Variants in STK33 observed in about 807,000 individuals in gnomAD.
STK33 encodes serine/threonine kinase 33.
In STK33, 52 loss-of-function variants were observed where a neutral mutation model predicts 58.0. The observed-to-expected ratio is 0.90, with a 90% CI of 0.72 to 1.13. The LOEUF (loss-of-function observed/expected upper bound fraction) is 1.13. STK33 is among the 50% of genes most tolerant of loss of function. STK33 has a pLI of 0.00. For missense variants in STK33, 630 were observed against 604.2 expected, an observed-to-expected ratio of 1.04 and a Z score of -0.45; for synonymous variants, 215 against 200.1, an observed-to-expected ratio of 1.07 and a Z score of -0.63.
chr11:8,401,972 G>A lies in STK33; in HGVS notation c.1345-9262C>T, dbSNP rs536533329. The stretch of plus-strand genomic sequence containing the variant: ...ATTAAAAAGTCAGGAAACAACAGGT[G>A]CTGGAGAAGATGTGGAGAAATAGGA... On this transcript the variant is annotated intron_variant, in intron 15 of 15. Transcript: ENST00000687296. 1.3e-4 allele frequency among the ~76,000 whole-genome samples: 20 copies of A among 152,288 alleles called. No homozygotes were observed. In the East Asian group the frequency reaches 3.9e-3, roughly 29 times the overall value.
chr11:8,364,115 A>G, the STK33 span, among the ~76,000 whole-genome samples: 3 of 152,144 alleles, frequency 2.0e-5, no homozygotes, highest in Non-Finnish European at 4.4e-5. Context: ...TCTCTGGGGC[A>G]TGTTCATCCA....
rs1949118084 is a variant in STK33, at chr11:8,474,842, T to A, written c.64A>T (p.Lys22Ter). ...CTGGAACATACACAAAGTACATCTT[T>A]CTGAGAAGCAGATGAACAGTCGGGG... is the stretch of plus-strand genomic sequence containing the variant. ...KCPDCSSASQ[K>*]DVLCVCSSKT... Residue 22 changes from lysine (K) to a stop codon, truncating the protein, a stop_gained, in exon 5 of 16, where the codon AAA (lysine) becomes TAA (stop). Transcript: ENST00000687296. LOFTEE classifies it high-confidence loss of function. 3.7e-6 allele frequency: 6 copies of A among 1,610,580 alleles called. No individual in the cohort carries two copies. The highest frequency in any genetic ancestry group is 3.4e-6 in the Non-Finnish European group (4 of 1,178,852).
chr11:8,564,930 A>G (rs1056093013), intron 1 of STK33, among the ~76,000 whole-genome samples: 2 of 152,196 alleles, frequency 1.3e-5, no homozygotes, highest in African/African-American at 4.8e-5. Context: ...TTAAAGGACT[A>G]AAAGGTCTCA....
At chr11:8,453,474 C>A (rs1946519038) in intron 10 of STK33, among the ~76,000 whole-genome samples, 2 of 152,080 alleles carry the variant, frequency 1.3e-5, no homozygotes, top group Non-Finnish European at 2.9e-5. Flanking sequence ...ACAATTACTA[C>A]ACTATTAAAA....
intron 1 of STK33, among the ~76,000 whole-genome samples, chr11:8,495,958 G>T (rs969060920): frequency 6.6e-6 from 1 of 151,730 alleles, no homozygotes; most frequent in Admixed American, 6.6e-5. Context: ...TGGGGTGGGG[G>T]GCTGGGAGAG....
At chr11:8,584,296 T>C (rs2031063721) in intron 1 of STK33, among the ~76,000 whole-genome samples, 1 of 152,104 alleles carries the variant, frequency 6.6e-6, no homozygotes, top group African/African-American at 2.4e-5. Flanking sequence ...ATTCATAATG[T>C]AGGGAGGATT....
At chr11:8,390,910 G>C (rs1424337884), downstream of STK33, among the ~76,000 whole-genome samples, 1 of 152,240 alleles carries the variant, frequency 6.6e-6, no homozygotes, top group Non-Finnish European at 1.5e-5. Flanking sequence ...GAAAGTAAGA[G>C]TATTTTTAAT....
chr11:8,554,375 C>T (rs894369103), intron 1 of STK33, among the ~76,000 whole-genome samples: 2 of 147,110 alleles, frequency 1.4e-5, no homozygotes, highest in Non-Finnish European at 3.0e-5. Flanking sequence ...TCCCAGATCA[C>T]GCCACTGCAC....
intron 7 of STK33, among the ~76,000 whole-genome samples, chr11:8,462,472 CAT>C (rs1554950292): frequency 1.2e-4 from 17 of 141,920 alleles, no homozygotes; most frequent in African/African-American, 3.4e-4. Context: ...CACACACACA[CAT>C]ATATATATAT....
intron 8 of STK33, among the ~76,000 whole-genome samples, chr11:8,460,289 T>C (rs974663975): frequency 2.6e-5 from 4 of 151,986 alleles, no homozygotes; most frequent in Admixed American, 2.0e-4. Context: ...ATGACACCCA[T>C]GACAAAATCA....
At chr11:8,458,329 T>G (rs912897843) in intron 8 of STK33, among the ~76,000 whole-genome samples, 2 of 151,954 alleles carry the variant, frequency 1.3e-5, no homozygotes, top group African/African-American at 4.8e-5. Context: ...CTTGAAAATT[T>G]CAGGTTTATA....
At chr11:8,369,605 C>T in the STK33 span, among the ~76,000 whole-genome samples, 1 of 152,132 alleles carries the variant, frequency 6.6e-6, no homozygotes, top group Non-Finnish European at 1.5e-5. Flanking sequence ...TCCTCCTCCG[C>T]CTCTGCAGCC....
intron 1 of STK33, among the ~76,000 whole-genome samples, chr11:8,562,674 A>G (rs557624118): frequency 6.6e-6 from 1 of 152,062 alleles, no homozygotes; most frequent in African/African-American, 2.4e-5. Context: ...ATGATAAGGA[A>G]TATGGTTAGT....
chr11:8,401,299 C>T (rs1937890029), intron 15 of STK33, among the ~76,000 whole-genome samples: 1 of 152,114 alleles, frequency 6.6e-6, no homozygotes, highest in Non-Finnish European at 1.5e-5. Context: ...GAACAGAGCC[C>T]TCAGAAATAA....
the STK33 span, among the ~76,000 whole-genome samples, chr11:8,357,238 A>T: frequency 6.6e-6 from 1 of 152,172 alleles, no homozygotes; most frequent in Non-Finnish European, 1.5e-5. Context: ...CCTAATTAGC[A>T]GCGCGCGGCG....
At chr11:8,462,438 TATATAC>T (rs1174872346) in intron 7 of STK33, among the ~76,000 whole-genome samples, 5 of 110,792 alleles carry the variant, frequency 4.5e-5, no homozygotes, top group African/African-American at 1.4e-4. Context: ...CATATATACA[TATATAC>T]ACACACACAC....
At chr11:8,390,104 C>T (rs74719184), downstream of STK33, among the ~76,000 whole-genome samples, 9,967 of 152,262 alleles carry the variant, frequency 0.065, 359 homozygotes, top group African/African-American at 0.073. Flanking sequence ...CATTTTCCTT[C>T]CTTCTCTGAT....
At chr11:8,503,608 T>A (rs2139201293) in intron 1 of STK33, among the ~76,000 whole-genome samples, 1 of 152,294 alleles carries the variant, frequency 6.6e-6, no homozygotes, top group African/African-American at 2.4e-5. Flanking sequence ...CATGGACCCC[T>A]GAAACTAAAA....
chr11:8,488,792 C>A (rs1950365892), intron 1 of STK33, among the ~76,000 whole-genome samples: 3 of 151,860 alleles, frequency 2.0e-5, no homozygotes, highest in South Asian at 4.2e-4. Context: ...CAATTTTCAA[C>A]AAAAAATTAT....
Sources: gnomAD v4.1 joint callset for allele counts (sites outside exome capture counted in the v4.1 genomes callset) on GRCh38, gnomAD v4.1.1 for gene constraint, MANE v1.5 for transcripts, NCBI Gene and HGNC (gene_info 2026-07-23, HGNC 2026-07-21) for gene names.